The following SMG6 variants were observed in gnomAD, a reference collection of about 807,000 sequenced individuals.
SMG6 encodes the protein telomerase-binding protein EST1A.
In SMG6, 66 loss-of-function variants were observed where a neutral mutation model predicts 142.2. That is an observed-to-expected ratio of 0.46 (90% CI 0.38 to 0.57). The LOEUF (loss-of-function observed/expected upper bound fraction) is 0.57, where lower values mean the gene tolerates loss of function less well. Among genes scored for constraint, SMG6 ranks in the 20% least tolerant of loss-of-function variants. The probability of loss-of-function intolerance (pLI) is 0.00; values close to 1 mark genes in which losing one functional copy is unlikely to be tolerated. For missense variants in SMG6, 1,793 were observed against 1,832.0 expected (o/e 0.98, Z 0.39); for synonymous variants, 779 against 702.4 (o/e 1.11, Z -1.72).
intron 10 of SMG6, among the ~76,000 whole-genome samples, chr17:2,189,272 A>C (rs1335913321): frequency 6.6e-6 from 1 of 152,156 alleles, no homozygotes; most frequent in Non-Finnish European, 1.5e-5. Context: ...AGGTCACCGA[A>C]AGGAGCCATC....
intron 9 of SMG6, among the ~76,000 whole-genome samples, chr17:2,242,660 C>T (rs1157884677): frequency 7.7e-6 from 1 of 130,710 alleles, no homozygotes. Flanking sequence ...GCACTTCAGC[C>T]TGGGTAACAC....
At chr17:2,262,983 T>A (rs567715665) in intron 8 of SMG6, among the ~76,000 whole-genome samples, 2 of 152,204 alleles carry the variant, frequency 1.3e-5, no homozygotes, top group Admixed American at 1.3e-4. Context: ...GCCACTTATT[T>A]TAGGCAACAT....
chr17:2,075,121 C>T (rs575114578), intron 15 of SMG6, among the ~76,000 whole-genome samples: 3 of 152,338 alleles, frequency 2.0e-5, no homozygotes, highest in Admixed American at 1.3e-4. Flanking sequence ...ACCCTGTCTC[C>T]GACAGCCAGG....
chr17:2,172,730 C>T lies in SMG6; in HGVS notation c.3285G>A (p.Arg1095=), dbSNP rs759654218. The T allele has an allele frequency of 8.7e-6, 14 of 1,614,002 alleles. No homozygotes were observed. The highest frequency in any genetic ancestry group is 1.6e-4 in the Middle Eastern group (1 of 6,076). The change falls in exon 13 of 19, where the codon CGG becomes CGA. Residue 1095 remains arginine (R), a synonymous_variant. Coordinates refer to ENST00000263073, the MANE Select transcript of SMG6 (RefSeq NM_017575.5). ...GCAAGGGGACAAAGCCCGAGAGAAG[C>T]CGATCCTCTTCCAGGATAAGAAGGG... ...DLTLLILEED[R]LLSGFVPLLA...
chr17:2,278,248 G>T (rs1288166966), intron 8 of SMG6, among the ~76,000 whole-genome samples: 1 of 151,020 alleles, frequency 6.6e-6, no homozygotes, highest in Non-Finnish European at 1.5e-5. Context: ...TGTCGCCCAG[G>T]CTGGAGTGCA....
chr17:2,260,002 A>G (rs181819947), intron 8 of SMG6, among the ~76,000 whole-genome samples: 1 of 152,340 alleles, frequency 6.6e-6, no homozygotes, highest in Non-Finnish European at 1.5e-5. Flanking sequence ...CAAGGCACCA[A>G]ATAAGGGAAG....
At chr17:2,077,314 C>T (rs905436315) in intron 15 of SMG6, among the ~76,000 whole-genome samples, 2 of 152,150 alleles carry the variant, frequency 1.3e-5, no homozygotes, top group African/African-American at 4.8e-5. Context: ...ATGGCAGGTC[C>T]ACAAATGAAG....
At chr17:2,208,163 CA>C (rs1241639658) in intron 10 of SMG6, among the ~76,000 whole-genome samples, 3 of 152,114 alleles carry the variant, frequency 2.0e-5, no homozygotes, top group African/African-American at 7.2e-5. Flanking sequence ...GGTCCCACAT[CA>C]AAAGATGGTG....
At chr17:2,137,697 T>C (rs961007355) in intron 13 of SMG6, among the ~76,000 whole-genome samples, 1 of 151,948 alleles carries the variant, frequency 6.6e-6, no homozygotes, top group African/African-American at 2.4e-5. Context: ...TGGGACTAGG[T>C]CTTGAGAGAA....
chr17:2,088,586 A>G lies in SMG6; in HGVS notation c.3358-2685T>C, dbSNP rs968666476. 87 of 985,322 alleles carry G rather than the reference A, an allele frequency of 8.8e-5. 1 individual carries two copies. The highest frequency in any genetic ancestry group is 6.1e-4 in the Admixed American group (10 of 16,264). 61.0% of individuals were successfully genotyped at this position (985,322 alleles called of 1,614,324 possible). Reference sequence around the variant, plus strand: ...TCTGACCTGGTGTTAACAGGCCTGGAAAGGATTCTACCTGTTTGGAGAGAG... The same window carrying G: ...TCTGACCTGGTGTTAACAGGCCTGGGAAGGATTCTACCTGTTTGGAGAGAG... On this transcript the variant is annotated intron_variant, in intron 13 of 18. Transcript: ENST00000263073.
intron 8 of SMG6, among the ~76,000 whole-genome samples, chr17:2,272,508 C>G (rs1014348735): frequency 1.3e-5 from 2 of 152,190 alleles, no homozygotes; most frequent in African/African-American, 4.8e-5. Flanking sequence ...ACCCCCAAAT[C>G]ACTACTCATG....
Position 2,171,376 on chromosome 17 carries a change from T to TGC in SMG6, c.3357+1281_3357+1282insGC, listed in dbSNP as rs2071498061. Among the ~76,000 whole-genome samples, 4 of 151,814 alleles carry TGC rather than the reference T, an allele frequency of 2.6e-5. No individual in the cohort carries two copies. In the South Asian group the frequency reaches 8.3e-4, roughly 32 times the overall value. On this transcript the variant is annotated intron_variant, in intron 13 of 18. Coordinates refer to ENST00000263073, the MANE Select transcript of SMG6 (RefSeq NM_017575.5). ...GAAAGAGTGTGTGTGTGTGTGTGTG[T>TGC]GTGTGTACTATAAATTAAATACGAT...
At chr17:2,177,337 G>A (rs918716311) in intron 12 of SMG6, among the ~76,000 whole-genome samples, 4 of 152,160 alleles carry the variant, frequency 2.6e-5, no homozygotes, top group Non-Finnish European at 5.9e-5. Flanking sequence ...AGCTTCATAG[G>A]GAAGGAGTCA....
At chr17:2,264,849 C>G (rs2074387139) in intron 8 of SMG6, among the ~76,000 whole-genome samples, 1 of 151,570 alleles carries the variant, frequency 6.6e-6, no homozygotes, top group Non-Finnish European at 1.5e-5. Flanking sequence ...TTGCAGTGAG[C>G]TGAGATCGCG....
chr17:2,219,162 A>G (rs1425018444), intron 10 of SMG6, among the ~76,000 whole-genome samples: 1 of 151,596 alleles, frequency 6.6e-6, no homozygotes, highest in Admixed American at 6.6e-5. Flanking sequence ...AGGTGGGTGG[A>G]TCCCCTGAGG....
chr17:2,283,643 A>G lies in SMG6; in HGVS notation c.2430T>C (p.Phe810=), dbSNP rs192659467. The change falls in exon 7 of 19, where the codon TTT becomes TTC. Residue 810 remains phenylalanine (F), a synonymous_variant. Coordinates refer to ENST00000263073, the MANE Select transcript of SMG6 (RefSeq NM_017575.5). ...LTAKESLMSL[F]EETKRKAEQM... Reference sequence around the variant, plus strand: ...CACTCACCTTCCGCTTGGTCTCTTCAAACAAGCTCATGAGACTCTCCTTGG... The same window carrying G: ...CACTCACCTTCCGCTTGGTCTCTTCGAACAAGCTCATGAGACTCTCCTTGG... The G allele has an allele frequency of 1.2e-6, 2 of 1,614,118 alleles. No homozygotes were observed. The highest frequency in any genetic ancestry group is 1.3e-5 in the African/African-American group (1 of 75,038).
chr17:2,104,157 T>C (rs1597389305), intron 13 of SMG6, among the ~76,000 whole-genome samples: 3 of 152,064 alleles, frequency 2.0e-5, no homozygotes, highest in Admixed American at 1.3e-4. Context: ...TTCACCATGT[T>C]AGCCAGGATG....
chr17:2,160,979 T>G (rs770352422), intron 13 of SMG6, among the ~76,000 whole-genome samples: 22 of 152,116 alleles, frequency 1.4e-4, no homozygotes, highest in Non-Finnish European at 2.5e-4. Flanking sequence ...TCTTTTTCTA[T>G]CATACATTCT....
chr17:2,222,832 A>G (rs2073215529), intron 10 of SMG6, among the ~76,000 whole-genome samples: 1 of 152,150 alleles, frequency 6.6e-6, no homozygotes, highest in South Asian at 2.1e-4. Context: ...TTCTCTTCCA[A>G]TGAGGAATAT....
Sources: allele counts gnomAD v4.1 joint callset (sites outside exome capture counted in the v4.1 genomes callset), GRCh38; gene constraint gnomAD v4.1.1; transcripts MANE v1.5; gene names NCBI Gene and HGNC (gene_info 2026-07-23, HGNC 2026-07-21).